The following SERPINE2 variants were observed in gnomAD, a reference collection of about 807,000 sequenced individuals.
The protein encoded by SERPINE2 is serpin family E member 2.
Under a neutral mutation model 36.3 loss-of-function variants are expected in SERPINE2, and 14 were observed. The ratio of observed to expected loss-of-function variants is 0.39; its 90% CI spans 0.25 to 0.60. The LOEUF (loss-of-function observed/expected upper bound fraction) is 0.60, where lower values mean the gene tolerates loss of function less well. SERPINE2 is among the 20% of genes least tolerant of loss of function. SERPINE2 has a pLI of 0.57. For synonymous variants in SERPINE2, 192 were observed against 191.8 expected, an observed-to-expected ratio of 1.00 and a Z score of -0.01; for missense variants, 418 against 499.6, an observed-to-expected ratio of 0.84 and a Z score of 1.56.
At position 223,984,853 on chromosome 2, in the gene SERPINE2, G is replaced by A. The variant is rs779523539; in HGVS notation, c.783C>T (p.Ser261=). The A allele has an allele frequency of 1.2e-6, 2 of 1,614,164 alleles. No homozygotes were observed. The highest frequency in any genetic ancestry group is 2.2e-5 in the East Asian group (1 of 44,888). Residue 261 remains serine, a synonymous_variant, in exon 5 of 9, where the codon AGC becomes AGT. Coordinates refer to ENST00000409304, the MANE Select transcript of SERPINE2 (RefSeq NM_001136528.2). The part of the protein sequence containing the change: ...ISMLIALPTE[S]STPLSAIIPH... Reference sequence around the variant, plus strand: ...GGATGATGGCAGACAGCGGAGTGGAGCTCTCAGTCGGCAGTGCAATCAGCA... The same window carrying A: ...GGATGATGGCAGACAGCGGAGTGGAACTCTCAGTCGGCAGTGCAATCAGCA...
Position 224,031,118 on chromosome 2 carries a change from G to A in SERPINE2, c.-23+7981C>T, listed in dbSNP as rs972529831. 4.1e-6 allele frequency: 4 copies of A among 985,288 alleles called. No individual in the cohort carries two copies. In the African/African-American group the frequency reaches 7.0e-5, roughly 17 times the overall value. 61.0% of individuals were successfully genotyped at this position (985,288 alleles called of 1,614,324 possible). A position where few individuals can be genotyped will look rare whatever the true frequency, so the allele number is the denominator to read the frequency against. On this transcript the variant is annotated intron_variant, in intron 1 of 8. Transcript: ENST00000409304. ...CTCAAGAAGGTATAAACATTGATGGGATGTAAATCTTTGAATATCCATGGT... is the reference window on the plus strand; with the variant it reads ...CTCAAGAAGGTATAAACATTGATGGAATGTAAATCTTTGAATATCCATGGT...
intron 8 of SERPINE2, among the ~76,000 whole-genome samples, chr2:223,976,488 C>T (rs1690013781): frequency 6.6e-6 from 1 of 152,240 alleles, no homozygotes; most frequent in South Asian, 2.1e-4. Context: ...TAAATAGCCA[C>T]ATGTGGCCAG....
At chr2:224,031,794 C>T (rs531344019) in intron 1 of SERPINE2, among the ~76,000 whole-genome samples, 3 of 149,608 alleles carry the variant, frequency 2.0e-5, no homozygotes, top group African/African-American at 5.0e-5. Context: ...TGAAAAGCCC[C>T]TCTTTCCTCC....
intron 1 of SERPINE2, among the ~76,000 whole-genome samples, chr2:224,014,722 A>G (rs1691740892): frequency 6.6e-6 from 1 of 152,190 alleles, no homozygotes; most frequent in Non-Finnish European, 1.5e-5. Context: ...AACAAAACCC[A>G]CTTTGTTCCT....
At chr2:224,022,088 G>A (rs1276599360) in intron 1 of SERPINE2, among the ~76,000 whole-genome samples, 1 of 150,964 alleles carries the variant, frequency 6.6e-6, no homozygotes, top group Non-Finnish European at 1.5e-5. Context: ...GAACCCAGGA[G>A]GCGGAGCTTG....
intron 8 of SERPINE2, among the ~76,000 whole-genome samples, chr2:223,977,253 A>G (rs974351660): frequency 6.6e-6 from 1 of 152,246 alleles, no homozygotes; most frequent in Non-Finnish European, 1.5e-5. Context: ...TAAATATGGA[A>G]AAGTCAATAG....
At chr2:224,004,098 A>G (rs1014397656) in intron 1 of SERPINE2, among the ~76,000 whole-genome samples, 3 of 152,152 alleles carry the variant, frequency 2.0e-5, no homozygotes, top group African/African-American at 4.8e-5. Flanking sequence ...AATACTTCCT[A>G]TTTTTATTAA....
intron 4 of SERPINE2, among the ~76,000 whole-genome samples, chr2:223,987,582 T>C (rs929552239): frequency 6.6e-6 from 1 of 152,222 alleles, no homozygotes; most frequent in Non-Finnish European, 1.5e-5. Flanking sequence ...GGTTGATTCA[T>C]TCTGAAAAGG....
chr2:224,005,016 TA>T (rs1691340524), intron 1 of SERPINE2, among the ~76,000 whole-genome samples: 5 of 76,522 alleles, frequency 6.5e-5, no homozygotes, highest in Admixed American at 1.6e-4. Flanking sequence ...TGTAGTATTA[TA>T]TATTATATTA....
chr2:223,998,001 T>C, intron 3 of SERPINE2, 114 bp downstream of exon 3: 1 of 789,594 alleles, frequency 1.3e-6, no homozygotes, highest in Non-Finnish European at 2.1e-6. Context: ...GTCCAGGAGT[T>C]TCTCAACCCA....
intron 5 of SERPINE2, among the ~76,000 whole-genome samples, chr2:223,984,473 C>T (rs1690347681): frequency 6.6e-6 from 1 of 152,118 alleles, no homozygotes; most frequent in Non-Finnish European, 1.5e-5. Context: ...GTCAAAAAGC[C>T]CCTGCAGTAC....
At chr2:224,018,026 T>C (rs1691859020) in intron 1 of SERPINE2, among the ~76,000 whole-genome samples, 1 of 152,246 alleles carries the variant, frequency 6.6e-6, no homozygotes, top group Non-Finnish European at 1.5e-5. Context: ...CAAGGGTCTC[T>C]AGTATGTGAC....
At chr2:224,006,771 A>T (rs892384047) in intron 1 of SERPINE2, among the ~76,000 whole-genome samples, 2 of 152,228 alleles carry the variant, frequency 1.3e-5, no homozygotes, top group Non-Finnish European at 2.9e-5. Context: ...AAAAAATGTC[A>T]CAAGTCTAGA....
In SERPINE2 at chr2:223,984,918, T is replaced by C; in HGVS notation, c.718A>G (p.Asn240Asp). The C allele has an allele frequency of 6.2e-7, 1 of 1,614,186 alleles. No homozygotes were observed. Among genetic ancestry groups the C allele is most frequent in the Non-Finnish European group, 8.5e-7 (1 of 1,180,038 alleles). Residue 240 changes from asparagine (N) to aspartate (D), a missense_variant, in exon 5 of 9, where the codon AAC (asparagine) becomes GAC (aspartate). Transcript: ENST00000409304. ...STSAPNDLWY[N>D]FIELPYHGES... ...CCGTGGTAGGGCAGTTCAATGAAGTTGTACCATAAATCATTGGGGGCACTT... is the reference window on the plus strand; with the variant it reads ...CCGTGGTAGGGCAGTTCAATGAAGTCGTACCATAAATCATTGGGGGCACTT...
At chr2:223,987,441 TC>T (rs1690480133) in intron 4 of SERPINE2, among the ~76,000 whole-genome samples, 1 of 152,088 alleles carries the variant, frequency 6.6e-6, no homozygotes, top group South Asian at 2.1e-4. Flanking sequence ...GCATGGAGCC[TC>T]TCATCGTCCC....
At chr2:224,015,844 A>T (rs137971658) in intron 1 of SERPINE2, among the ~76,000 whole-genome samples, 240 of 152,382 alleles carry the variant, frequency 1.6e-3, no homozygotes, top group African/African-American at 5.6e-3. Context: ...GATCCTGCAA[A>T]GATGATGAAG....
chr2:224,032,607 T>G (rs949955236), intron 1 of SERPINE2, among the ~76,000 whole-genome samples: 2 of 152,236 alleles, frequency 1.3e-5, no homozygotes, highest in Admixed American at 1.3e-4. Context: ...TAAAGTCTCC[T>G]CATATTATTC....
chr2:223,983,734 A>ATGTGTG (rs1437957922), intron 5 of SERPINE2, among the ~76,000 whole-genome samples: 16 of 77,336 alleles, frequency 2.1e-4, no homozygotes, highest in African/African-American at 1.0e-3. Flanking sequence ...ATATGTGTGT[A>ATGTGTG]TATGTGTGTG....
intron 1 of SERPINE2, among the ~76,000 whole-genome samples, chr2:224,027,560 G>C (rs1328774559): frequency 5.9e-5 from 9 of 152,162 alleles, no homozygotes. Context: ...TTAGGGACAA[G>C]GTGGGAGTGG....
Sources: gnomAD v4.1 joint callset for allele counts (sites outside exome capture counted in the v4.1 genomes callset) on GRCh38, gnomAD v4.1.1 for gene constraint, MANE v1.5 for transcripts, NCBI Gene and HGNC (gene_info 2026-07-23, HGNC 2026-07-21) for gene names.